Variants in KRT73 observed in about 807,000 individuals in gnomAD.
KRT73 encodes keratin 73, also known as keratin, type II cytoskeletal 73.
KRT73 carries 44 observed loss-of-function variants against 47.2 expected under a neutral mutation model. The ratio of observed to expected loss-of-function variants is 0.93; its 90% CI spans 0.73 to 1.20. The LOEUF (loss-of-function observed/expected upper bound fraction) is 1.20. Among genes scored for constraint, KRT73 ranks in the 50% most tolerant of loss-of-function variants. The pLI is 0.00. For missense variants in KRT73, 713 were observed against 704.5 expected (o/e 1.01, Z -0.14); for synonymous variants, 285 against 291.3 (o/e 0.98, Z 0.22).
chr12:52,630,240 A>G, the KRT73 span, among the ~76,000 whole-genome samples: 1 of 152,208 alleles, frequency 6.6e-6, no homozygotes, highest in African/African-American at 2.4e-5. Context: ...TGCCTATCAT[A>G]CAGATGGGAA....
chr12:52,629,809 C>T, the KRT73 span, among the ~76,000 whole-genome samples: 7 of 152,172 alleles, frequency 4.6e-5, no homozygotes, highest in African/African-American at 1.7e-4. Flanking sequence ...AGCTGGGAAT[C>T]GCATCAACTC....
At chr12:52,626,068 A>T in the KRT73 span, among the ~76,000 whole-genome samples, 120,405 of 152,186 alleles carry the variant, frequency 0.79, 48,557 homozygotes, top group African/African-American at 0.95. Flanking sequence ...ATGATGGTAA[A>T]GTTCTGTATC....
upstream of KRT73, among the ~76,000 whole-genome samples, chr12:52,621,301 G>C (rs11170204): frequency 4.8e-4 from 68 of 142,072 alleles, 1 homozygote; most frequent in African/African-American, 1.4e-3. Flanking sequence ...GGGGGGGGGG[G>C]GGAGAGAGAA....
the KRT73 span, among the ~76,000 whole-genome samples, chr12:52,624,551 T>C: frequency 1.3e-5 from 2 of 152,082 alleles, no homozygotes; most frequent in Non-Finnish European, 2.9e-5. Context: ...ACTTAAACCA[T>C]ACAGAGTATG....
Position 52,608,206 on chromosome 12 carries a change from G to A in KRT73, c.1613C>T (p.Thr538Ile), listed in dbSNP as rs1940623598. ...TLALSSPTKK[T>I]MR ...GGCTGTGTTGCACTTTTATCTCATG[G>A]TTTTTTTGGTGGGTGAGCTTAGAGC... The change falls in exon 9 of 9, where the codon ACC becomes ATC. Residue 538 changes from threonine to isoleucine, a missense_variant. Transcript: ENST00000305748. 3 of 1,611,586 alleles carry A rather than the reference G, an allele frequency of 1.9e-6. No homozygotes were observed. The highest frequency in any genetic ancestry group is 2.5e-6 in the Non-Finnish European group (3 of 1,178,752).
chr12:52,624,510 A>T, the KRT73 span, among the ~76,000 whole-genome samples: 1 of 152,110 alleles, frequency 6.6e-6, no homozygotes. Context: ...ATACTCTGGG[A>T]TATAAAATAA....
rs748644802 is a variant in KRT73, at chr12:52,614,629, C to G, written c.769G>C (p.Val257Leu). The change falls in exon 4 of 9, where the codon GTG becomes CTG. Residue 257 changes from valine to leucine, a missense_variant. Transcript: ENST00000305748. The stretch of plus-strand genomic sequence containing the variant: ...TTGATTTCTCCATCCAGGGCATCCA[C>G]CTTGGCCTGCAGCTCCACTTTGCTC... ...YTSKVELQAK[V>L]DALDGEIKFF... 6 of 1,613,886 alleles carry G rather than the reference C, an allele frequency of 3.7e-6. No homozygotes were observed. The African/African-American group carries it at 5.3e-5, about 14-fold the overall frequency.
At chr12:52,626,138 T>C in the KRT73 span, among the ~76,000 whole-genome samples, 1 of 152,262 alleles carries the variant, frequency 6.6e-6, no homozygotes, top group African/African-American at 2.4e-5. Flanking sequence ...TTGCAATGTT[T>C]ACTGAGCACA....
chr12:52,609,730 T>C (rs933957302), intron 7 of KRT73: 2 of 167,406 alleles, frequency 1.2e-5, no homozygotes, highest in African/African-American at 4.8e-5. Context: ...TGTTCATGCT[T>C]CGTGTGCCAC....
In KRT73 at chr12:52,613,703, G is replaced by A. The variant is rs1412573224; in HGVS notation, c.969C>T (p.Ala323=). 6.2e-7 allele frequency: 1 copy of A among 1,614,078 alleles called. No homozygotes were observed. The highest frequency in any genetic ancestry group is 1.1e-5 in the South Asian group (1 of 91,058). The part of the protein sequence containing the change: ...IARKSKAEAE[A]LYQTKFQELQ... The stretch of plus-strand genomic sequence containing the variant: ...GCGGCCTCACCTTGGTCTGGTACAG[G>A]GCCTCGGCCTCGGCCTTGCTCTTCC... Residue 323 remains alanine, a synonymous_variant, in exon 5 of 9, where the codon GCC becomes GCT. Transcript: ENST00000305748.
chr12:52,610,437 G>A, intron 7 of KRT73, 178 bp downstream of exon 7: 1 of 671,602 alleles, frequency 1.5e-6, no homozygotes, highest in Non-Finnish European at 2.6e-6. Flanking sequence ...AGAGTCAAAA[G>A]AGAACTGTAA....
chr12:52,628,398 TC>T, the KRT73 span, among the ~76,000 whole-genome samples: 1 of 54,312 alleles, frequency 1.8e-5, no homozygotes, highest in Non-Finnish European at 4.6e-5. Flanking sequence ...TCTTCCTCTC[TC>T]CTCCTCCCTT....
chr12:52,615,321 G>A lies in KRT73; in HGVS notation c.681C>T (p.Asn227=), dbSNP rs781406728. Residue 227 remains asparagine (N), a synonymous_variant, in exon 3 of 9, where the codon AAC becomes AAT. Coordinates refer to ENST00000305748, the MANE Select transcript of KRT73 (RefSeq NM_175068.3). ...DYKKRYEEEI[N]KRTTAENEFV... ...ATTCATTCTCAGCAGTTGTGCGCTT[G>A]TTTATTTCTTCTTCATACCTGCAGG... is the stretch of plus-strand genomic sequence containing the variant. The A allele has an allele frequency of 4.8e-5, 77 of 1,613,898 alleles. No individual in the cohort carries two copies. Among genetic ancestry groups the A allele is most frequent in the Non-Finnish European group, 6.4e-5 (75 of 1,179,944 alleles).
the KRT73 span, among the ~76,000 whole-genome samples, chr12:52,629,577 G>C: frequency 6.6e-6 from 1 of 152,172 alleles, no homozygotes; most frequent in Non-Finnish European, 1.5e-5. Context: ...CCTGGCCAAA[G>C]GCTCCTTCCT....
chr12:52,609,026 A>T (rs948818961), intron 8 of KRT73, among the ~76,000 whole-genome samples: 1 of 152,172 alleles, frequency 6.6e-6, no homozygotes, highest in Non-Finnish European at 1.5e-5. Context: ...GCTATGAAAG[A>T]GGCTAGTGTG....
chr12:52,620,109 C>CTTTTTTTTTT (rs10638831), upstream of KRT73, among the ~76,000 whole-genome samples: 367 of 94,364 alleles, frequency 3.9e-3, 2 homozygotes, highest in Non-Finnish European at 4.6e-3. Flanking sequence ...TCCTTTTTTT[C>CTTTTTTTTTT]TTTTTTTTTT....
intron 5 of KRT73, 77 bp from the exon 6 acceptor site, chr12:52,611,406 G>A: frequency 6.3e-7 from 1 of 1,577,116 alleles, no homozygotes; most frequent in Non-Finnish European, 8.6e-7. Context: ...GACTGTGCCT[G>A]CACTTGCAGA....
chr12:52,618,767 T>C (rs1170105844), upstream of KRT73, among the ~76,000 whole-genome samples: 2 of 152,238 alleles, frequency 1.3e-5, no homozygotes, highest in Non-Finnish European at 2.9e-5. Flanking sequence ...TTGAGTTTTA[T>C]CTAATGAACA....
At chr12:52,610,531 CCCCT>C in intron 7 of KRT73, 80 bp downstream of exon 7, 1 of 179,018 alleles carries the variant, frequency 5.6e-6, no homozygotes, top group Non-Finnish European at 1.2e-5. Flanking sequence ...AGCTCGCCGC[CCCCT>C]CCCCCCCGCC....
Sources: gnomAD v4.1 joint callset for allele counts (sites outside exome capture counted in the v4.1 genomes callset) on GRCh38, gnomAD v4.1.1 for gene constraint, MANE v1.5 for transcripts, NCBI Gene and HGNC (gene_info 2026-07-23, HGNC 2026-07-21) for gene names.